The following ABCA13 variants were observed in gnomAD, a reference collection of about 807,000 sequenced individuals.
ABCA13 encodes ATP binding cassette subfamily A member 13, also known as ATP-binding cassette sub-family A member 13.
A neutral mutation model predicts 478.7 loss-of-function variants in ABCA13; 476 were observed. The observed-to-expected ratio is 0.99, with a 90% CI of 0.92 to 1.07. The LOEUF (loss-of-function observed/expected upper bound fraction) is 1.07, where lower values mean the gene tolerates loss of function less well. Among genes scored for constraint, ABCA13 ranks in the 50% least tolerant of loss-of-function variants. ABCA13 has a pLI of 0.00. For missense variants in ABCA13, 6,060 were observed against 5,910.6 expected, an observed-to-expected ratio of 1.03 and a Z score of -0.83; for synonymous variants, 2,252 against 2,158.9, an observed-to-expected ratio of 1.04 and a Z score of -1.20.
chr7:48,342,070 CT>C (rs922278301), intron 29 of ABCA13, among the ~76,000 whole-genome samples: 6 of 148,832 alleles, frequency 4.0e-5, no homozygotes, highest in South Asian at 2.1e-4. Context: ...GTGTAATTTC[CT>C]TTTTTTTTCA....
Position 48,544,253 on chromosome 7 carries a change from A to G in ABCA13, c.14354+15908A>G, listed in dbSNP as rs1784614254. Among the ~76,000 whole-genome samples the G allele has an allele frequency of 1.3e-5, 2 of 151,724 alleles. 1 individual carries two copies. Among genetic ancestry groups the G allele is most frequent in the African/African-American group, 4.8e-5 (2 of 41,384 alleles). ...CAAACCTGATGTGATACTGTGCAAT[A>G]TATATTTTTGTCTTAGACCCATTTC... is the stretch of plus-strand genomic sequence containing the variant. On this transcript the variant is annotated intron_variant, in intron 55 of 61. Coordinates refer to ENST00000435803, the MANE Select transcript of ABCA13 (RefSeq NM_152701.5).
At chr7:48,376,690 T>C in intron 35 of ABCA13, 118 bp downstream of exon 35, 1 of 1,168,304 alleles carries the variant, frequency 8.6e-7, no homozygotes, top group Non-Finnish European at 1.2e-6. Context: ...AGGGAAGTCT[T>C]AGGATATATA....
intron 3 of ABCA13, among the ~76,000 whole-genome samples, chr7:48,207,329 C>G (rs1030595294): frequency 6.6e-6 from 1 of 151,730 alleles, no homozygotes; most frequent in Non-Finnish European, 1.5e-5. Context: ...AGTTGGATTG[C>G]TAGATCACAT....
chr7:48,196,394 T>C (rs1292122705), intron 2 of ABCA13, among the ~76,000 whole-genome samples: 2 of 152,096 alleles, frequency 1.3e-5, no homozygotes, highest in Admixed American at 1.3e-4. Flanking sequence ...AGAGTCAAAA[T>C]TGATCAAGGA....
intron 27 of ABCA13, among the ~76,000 whole-genome samples, chr7:48,319,537 G>A: frequency 6.6e-6 from 1 of 152,184 alleles, no homozygotes; most frequent in South Asian, 2.1e-4. Context: ...CAGTGTTGGA[G>A]TGGCCCATGC....
Position 48,317,974 on chromosome 7 carries a change from G to A in ABCA13, c.9999+678G>A, listed in dbSNP as rs182874749. ...TGGAGTCTTTTCTTGCCTACTAGGG[G>A]GCCTGTAAGCCTACAGGCACCTGGA... is the stretch of plus-strand genomic sequence containing the variant. On this transcript the variant is annotated intron_variant, in intron 27 of 61. Transcript: ENST00000435803. Among the ~76,000 whole-genome samples, 18 of 151,980 alleles carry A rather than the reference G, an allele frequency of 1.2e-4. No homozygotes were observed. The East Asian group carries it at 3.5e-3, about 29-fold the overall frequency.
chr7:48,304,634 G>C (rs548280320), intron 23 of ABCA13, among the ~76,000 whole-genome samples: 1 of 152,080 alleles, frequency 6.6e-6, no homozygotes, highest in Admixed American at 6.5e-5. Flanking sequence ...GAGGATGAGA[G>C]GGGGAAAAAG....
At chr7:48,467,709 G>C (rs1399958466) in intron 44 of ABCA13, among the ~76,000 whole-genome samples, 1 of 152,156 alleles carries the variant, frequency 6.6e-6, no homozygotes, top group African/African-American at 2.4e-5. Context: ...GTTCTGGGTA[G>C]AGCAAATGAG....
chr7:48,242,958 T>C (rs1171405111), intron 10 of ABCA13: 1 of 152,278 alleles, frequency 6.6e-6, no homozygotes, highest in African/African-American at 2.4e-5. Context: ...GAGTTTTTCG[T>C]GTCATTACAG....
At chr7:48,496,606 T>C (rs35108065) in intron 48 of ABCA13, among the ~76,000 whole-genome samples, 4,880 of 152,234 alleles carry the variant, frequency 0.032, 126 homozygotes, top group South Asian at 0.11. Context: ...TTCTTTTTGC[T>C]ATTCTTTAAG....
intron 27 of ABCA13, among the ~76,000 whole-genome samples, chr7:48,326,019 G>T (rs1406103148): frequency 6.6e-6 from 1 of 152,202 alleles, no homozygotes; most frequent in African/African-American, 2.4e-5. Flanking sequence ...TCATCTAGGT[G>T]GACATGCCAC....
Position 48,478,197 on chromosome 7 carries a change from AATGAT to A in ABCA13, c.12976-2831_12976-2827del, listed in dbSNP as rs1415858147. Among the ~76,000 whole-genome samples the A allele has an allele frequency of 1.1e-4, 16 of 148,288 alleles. 1 individual carries two copies. The South Asian group carries it at 1.7e-3, about 16-fold the overall frequency. On this transcript the variant is annotated intron_variant, in intron 45 of 61. Transcript: ENST00000435803. The stretch of plus-strand genomic sequence containing the variant: ...ATCATGATATATATATAATACATAA[AATGAT>A]ATGATATATATACATATATCATTAT...
At chr7:48,628,923 G>C (rs991490224) in intron 59 of ABCA13, among the ~76,000 whole-genome samples, 52 of 152,200 alleles carry the variant, frequency 3.4e-4, no homozygotes, top group Non-Finnish European at 5.9e-4. Flanking sequence ...TTCAGCTTCT[G>C]CCTAGCTTAA....
Position 48,272,033 on chromosome 7 carries a change from T to C in ABCA13, c.2367T>C (p.Asp789=). The C allele has an allele frequency of 6.2e-7, 1 of 1,613,772 alleles. No individual in the cohort carries two copies. Among genetic ancestry groups the C allele is most frequent in the Non-Finnish European group, 8.5e-7 (1 of 1,179,776 alleles). Residue 789 remains aspartate (D), a synonymous_variant, in exon 17 of 62, where the codon GAT becomes GAC. Transcript: ENST00000435803. ...KSLKRDPSAT[D]AQKLLEFGNE... is the part of the protein sequence containing the mutation. ...TAAAGAGAGACCCATCTGCCACTGA[T>C]GCTCAGAAACTCTTGGAATTTGGCA...
At chr7:48,372,666 A>G (rs773665690) in intron 33 of ABCA13, among the ~76,000 whole-genome samples, 169 bp downstream of exon 33, 27 of 152,292 alleles carry the variant, frequency 1.8e-4, no homozygotes, top group Non-Finnish European at 2.8e-4. Context: ...AACCGTTGAA[A>G]CTGCAGGGTT....
intron 5 of ABCA13, among the ~76,000 whole-genome samples, chr7:48,223,601 T>C (rs1307812520): frequency 1.3e-5 from 2 of 151,974 alleles, no homozygotes; most frequent in Non-Finnish European, 2.9e-5. Context: ...ATTAGTGATG[T>C]TGACAAGAAA....
intron 31 of ABCA13, among the ~76,000 whole-genome samples, chr7:48,367,077 G>C (rs1334221915): frequency 1.3e-5 from 2 of 152,120 alleles, no homozygotes; most frequent in African/African-American, 2.4e-5. Flanking sequence ...AGAAGACAGA[G>C]GGTCCAGCTT....
In ABCA13 at chr7:48,467,034, A is replaced by G. The variant is rs182039726; in HGVS notation, c.12894A>G (p.Leu4298=). The part of the protein sequence containing the change: ...FRDQDLPCAD[L]NPRQKNSSCW... Reference sequence around the variant, plus strand: ...ATCAAGATTTGCCCTGTGCAGATTTAAACCCACGCCAGTAAGTGTCAGGTG... The same window carrying G: ...ATCAAGATTTGCCCTGTGCAGATTTGAACCCACGCCAGTAAGTGTCAGGTG... Residue 4298 remains leucine (L), a synonymous_variant, in exon 44 of 62, where the codon TTA becomes TTG. Transcript: ENST00000435803. The G allele has an allele frequency of 4.2e-4, 679 of 1,614,002 alleles. 2 individuals carry two copies. The African/African-American group carries it at 8.1e-3, about 19-fold the overall frequency.
At chr7:48,296,339 G>T (rs1799363731) in intron 21 of ABCA13, among the ~76,000 whole-genome samples, 2 of 152,314 alleles carry the variant, frequency 1.3e-5, no homozygotes, top group South Asian at 4.1e-4. Context: ...GTTCAAGGCT[G>T]CAGTGAGCAG....
Sources: allele counts gnomAD v4.1 joint callset (sites outside exome capture counted in the v4.1 genomes callset), GRCh38; gene constraint gnomAD v4.1.1; transcripts MANE v1.5; gene names NCBI Gene and HGNC (gene_info 2026-07-23, HGNC 2026-07-21).